HK3: variants seen among roughly 807,000 people sequenced by gnomAD.
HK3 encodes hexokinase 3, also known as hexokinase-3.
HK3 carries 93 observed loss-of-function variants against 91.0 expected under a neutral mutation model. The observed-to-expected ratio is 1.02, with a 90% CI of 0.86 to 1.21. HK3 has a LOEUF of 1.21. Ranked by LOEUF, HK3 falls within the 50% of genes most tolerant of loss-of-function variation. The pLI is 0.00. For missense variants in HK3, 1,235 were observed against 1,247.4 expected (o/e 0.99, Z 0.15); for synonymous variants, 519 against 516.9 (o/e 1.00, Z -0.06).
At chr5:176,886,953 T>C (rs1300842908) in intron 13 of HK3, 49 bp downstream of exon 13, 3 of 1,606,966 alleles carry the variant, frequency 1.9e-6, no homozygotes, top group Non-Finnish European at 2.6e-6. Context: ...ATGAAGGGTA[T>C]GTGGGGGCAG....
chr5:176,889,315 G>A, intron 8 of HK3, 66 bp downstream of exon 8: 1 of 1,521,548 alleles, frequency 6.6e-7, no homozygotes, highest in Admixed American at 1.8e-5. Context: ...GGGACAGAAG[G>A]GGTTGGGAGC....
At chr5:176,893,071 G>T (rs533230784) in intron 2 of HK3, among the ~76,000 whole-genome samples, 4 of 152,126 alleles carry the variant, frequency 2.6e-5, no homozygotes, top group Non-Finnish European at 5.9e-5. Context: ...TCAGGCAGTG[G>T]GCAGCAAAGT....
intron 1 of HK3, among the ~76,000 whole-genome samples, chr5:176,897,798 T>TC (rs896349734): frequency 3.3e-5 from 5 of 152,138 alleles, no homozygotes; most frequent in African/African-American, 1.2e-4. Flanking sequence ...TCTCGCCCAT[T>TC]CCCAAGGTTT....
intron 2 of HK3, among the ~76,000 whole-genome samples, chr5:176,892,306 A>G (rs1472094781): frequency 6.6e-6 from 1 of 152,206 alleles, no homozygotes; most frequent in Non-Finnish European, 1.5e-5. Flanking sequence ...TATGAGTTCA[A>G]GAGGGTTTCC....
chr5:176,890,981 G>A, intron 4 of HK3, 40 bp from the exon 5 acceptor site: 1 of 1,613,908 alleles, frequency 6.2e-7, no homozygotes, highest in Non-Finnish European at 8.5e-7. Flanking sequence ...GCCCATCTGA[G>A]CCCTAGCCAC....
At chr5:176,889,794 A>T in intron 6 of HK3, 50 bp from the exon 7 acceptor site, 1 of 1,504,520 alleles carries the variant, frequency 6.6e-7, no homozygotes, top group Non-Finnish European at 9.2e-7. Context: ...TGGCCAGAGG[A>T]GGGAATCCAG....
chr5:176,881,993 G>A lies in HK3; in HGVS notation c.2188C>T (p.Arg730Cys), dbSNP rs780234736. ...DDGSLAMLST[R>C]FDASVDQASI... ...GCCTGGTCCACACTTGCATCAAAGC[G>A]GGTGCTGAGCATGGCCAGAGAGCCA... The change falls in exon 16 of 19, where the codon CGC (arginine) becomes TGC (cysteine). Residue 730 changes from arginine to cysteine, a missense_variant. Arg to Cys is a radical substitution (Grantham distance 180). This residue lies in a region of HK3 where 513 missense variants were observed against 477.4 expected (regional missense o/e 1.07). Transcript: ENST00000292432. 19 of 1,613,396 alleles carry A rather than the reference G, an allele frequency of 1.2e-5. No homozygotes were observed. The Admixed American group carries it at 1.8e-4, about 16-fold the overall frequency.
rs138190939 is a variant in HK3 at position 176,891,321 on chromosome 5, C to T, written c.259+67G>A. On this transcript the variant is annotated intron_variant, in intron 3 of 18. Coordinates refer to ENST00000292432, the MANE Select transcript of HK3 (RefSeq NM_002115.3). ...AGAGATGGGGGACAGGAATAAGGAA[C>T]GTTTCCCTCCCCTAGATCAGTACCC... 5.1e-3 allele frequency: 8,148 copies of T among 1,605,828 alleles called. 38 individuals carry two copies. Among genetic ancestry groups the T allele is most frequent in the South Asian group, 0.013 (1,160 of 90,876 alleles).
chr5:176,896,143 G>A lies in HK3; in HGVS notation c.17C>T (p.Ser6Phe), dbSNP rs1284354086. MDSIGSSGLRQGEETL... is the reference protein window; with the variant it reads MDSIGFSGLRQGEETL... ...TTCTTCCCCCTGCCGCAACCCTGAA[G>A]ACCCAATGGAGTCCATGAGCTTCCA... Residue 6 changes from serine (S) to phenylalanine (F), a missense_variant, in exon 2 of 19, where the codon TCT becomes TTT. By Grantham distance (155) the Ser-to-Phe change is radical. Around this residue, in one of 3 missense-constraint regions of HK3, gnomAD observed 717 missense variants for 751.6 expected, o/e 0.95. Coordinates refer to ENST00000292432, the MANE Select transcript of HK3 (RefSeq NM_002115.3). 1 of 1,609,716 alleles carries A rather than the reference G, an allele frequency of 6.2e-7. No homozygotes were observed. Among genetic ancestry groups the A allele is most frequent in the Non-Finnish European group, 8.5e-7 (1 of 1,178,242 alleles).
At chr5:176,883,303 T>C (rs982950409) in intron 15 of HK3, among the ~76,000 whole-genome samples, 5 of 152,180 alleles carry the variant, frequency 3.3e-5, no homozygotes, top group Non-Finnish European at 4.4e-5. Flanking sequence ...ATTGGTCCCC[T>C]GCCCCCGCCC....
chr5:176,896,973 G>A (rs1374084674), intron 1 of HK3, among the ~76,000 whole-genome samples: 1 of 147,492 alleles, frequency 6.8e-6, no homozygotes, highest in Non-Finnish European at 1.5e-5. Flanking sequence ...AAGTGATGCA[G>A]AGCAGAAAGA....
In HK3 at chr5:176,887,706, G is replaced by T; in HGVS notation, c.1345C>A (p.Pro449Thr). 1 of 1,612,966 alleles carries T rather than the reference G, an allele frequency of 6.2e-7. No individual in the cohort carries two copies. The highest frequency in any genetic ancestry group is 8.5e-7 in the Non-Finnish European group (1 of 1,179,224). ...GGGATTAAGGAGACATCGCATTCCG[G>T]GGCCAGGAGCATCACTGTCCCCTGC... is the stretch of plus-strand genomic sequence containing the variant. ...VLQGTVMLLA[P>T]ECDVSLIPSV... Residue 449 changes from proline (P) to threonine (T), a missense_variant, in exon 11 of 19, where the codon CCG becomes ACG. Pro to Thr is a conservative substitution (Grantham distance 38, BLOSUM62 -1). This residue lies in a region of HK3 where 717 missense variants were observed against 751.6 expected (regional missense o/e 0.95). Transcript: ENST00000292432. The surrounding 1 kb of genome is among the most constrained non-coding windows in gnomAD (Gnocchi z 4.9).
chr5:176,887,144 C>T lies in HK3; in HGVS notation c.1738-23G>A, dbSNP rs192945839. 3.0e-3 allele frequency: 4,785 copies of T among 1,614,178 alleles called. 21 individuals carry two copies. Among genetic ancestry groups the T allele is most frequent in the Non-Finnish European group, 2.9e-3 (3,425 of 1,180,038 alleles). ...GAGCTGTGGGGCAGGACAGGTCAGG[C>T]GTAGGCACTGCTCAGCCCTTCCCCA... On this transcript the variant is annotated intron_variant, in intron 12 of 18. Coordinates refer to ENST00000292432, the MANE Select transcript of HK3 (RefSeq NM_002115.3). This position sits in a 1 kb window ranked among gnomAD's most constrained non-coding sequence, Gnocchi z 4.9.
At chr5:176,895,407 CA>C (rs1331437010) in intron 2 of HK3, among the ~76,000 whole-genome samples, 1 of 152,130 alleles carries the variant, frequency 6.6e-6, no homozygotes, top group Non-Finnish European at 1.5e-5. Flanking sequence ...CATTAGCCTT[CA>C]GGGGGTGGGG....
rs540095874 is a variant in HK3 at position 176,887,875 on chromosome 5, C to T, written c.1305-129G>A. ...GCTTGGCCCCAGACCCCTAGGGCCT[C>T]CTGAAGCCCAAGGCCCCATCACTTT... On this transcript the variant is annotated intron_variant, in intron 10 of 18. Coordinates refer to ENST00000292432, the MANE Select transcript of HK3 (RefSeq NM_002115.3). The surrounding 1 kb of genome is among the most constrained non-coding windows in gnomAD (Gnocchi z 4.9). The T allele has an allele frequency of 4.0e-5, 33 of 822,986 alleles. No homozygotes were observed. The African/African-American group carries it at 5.5e-4, about 14-fold the overall frequency. The allele number at this position is 822,986 out of a possible 1,614,324, so 51.0% of individuals were successfully genotyped here. A position where few individuals can be genotyped will look rare whatever the true frequency, so the allele number is the denominator to read the frequency against.
Position 176,884,123 on chromosome 5 carries a change from C to A in HK3, c.1869G>T (p.Leu623=). 6.2e-7 allele frequency: 1 copy of A among 1,614,010 alleles called. No individual in the cohort carries two copies. The highest frequency in any genetic ancestry group is 8.5e-7 in the Non-Finnish European group (1 of 1,179,980). The part of the protein sequence containing the change: ...RQLGLDQGIL[L]NWTKGFKASD... ...ATGCCTTGAAACCCTTGGTCCAGTTCAGGAGGATGCCCTGGGGTGAGACCG... is the reference window on the plus strand; with the variant it reads ...ATGCCTTGAAACCCTTGGTCCAGTTAAGGAGGATGCCCTGGGGTGAGACCG... The change falls in exon 14 of 19, where the codon CTG becomes CTT. Residue 623 remains leucine, a synonymous_variant. Coordinates refer to ENST00000292432, the MANE Select transcript of HK3 (RefSeq NM_002115.3). This position sits in a 1 kb window ranked among gnomAD's most constrained non-coding sequence, Gnocchi z 4.1.
intron 6 of HK3, 64 bp from the exon 7 acceptor site, chr5:176,889,808 ATGGGCAGGGC>A: frequency 7.1e-7 from 1 of 1,403,466 alleles, no homozygotes; most frequent in Non-Finnish European, 1.0e-6. Flanking sequence ...AATCCAGGGG[ATGGGCAGGGC>A]TGGGGCCCTG....
chr5:176,891,974 C>A (rs1758789549), intron 2 of HK3, among the ~76,000 whole-genome samples: 1 of 152,214 alleles, frequency 6.6e-6, no homozygotes, highest in South Asian at 2.1e-4. Flanking sequence ...TTTCCCTCTC[C>A]TAATCCACTC....
In HK3 at chr5:176,889,734, A is replaced by G. The variant is rs150594844; in HGVS notation, c.641T>C (p.Ile214Thr). 23 of 1,613,868 alleles carry G rather than the reference A, an allele frequency of 1.4e-5. No homozygotes were observed. Among genetic ancestry groups the G allele is most frequent in the Non-Finnish European group, 1.9e-5 (22 of 1,179,926 alleles). The change falls in exon 7 of 19, where the codon ATC (isoleucine) becomes ACC (threonine). Residue 214 changes from isoleucine (I) to threonine (T), a missense_variant. Around this residue, in one of 3 missense-constraint regions of HK3, gnomAD observed 717 missense variants for 751.6 expected, o/e 0.95. Transcript: ENST00000292432. ...DAIRRQGAYN[I>T]DVVAVVNDTV... ...GTCGTTCACCACAGCAACCACGTCG[A>G]TGTTGTAGGCCTAGATGATGAAGAG...
Sources: gnomAD v4.1 joint callset for allele counts (sites outside exome capture counted in the v4.1 genomes callset) on GRCh38, gnomAD v4.1.1 for gene constraint, gnomAD v4.1.1 regional missense constraint, Gnocchi (gnomAD v3.1) non-coding constraint, MANE v1.5 for transcripts, NCBI Gene and HGNC (gene_info 2026-07-23, HGNC 2026-07-21) for gene names.